The following XYLT1 variants were observed in gnomAD, a reference collection of about 807,000 sequenced individuals.
XYLT1 encodes the protein beta-D-xylosyltransferase 1.
In XYLT1, 36 loss-of-function variants were observed where a neutral mutation model predicts 91.3. The observed-to-expected ratio is 0.39, with a 90% CI of 0.30 to 0.52. The LOEUF is 0.52. Ranked by LOEUF, XYLT1 falls within the 20% of genes least tolerant of loss-of-function variation. XYLT1 has a pLI of 0.68. For synonymous variants in XYLT1, 588 were observed against 532.0 expected, an observed-to-expected ratio of 1.11 and a Z score of -1.45; for missense variants, 1,242 against 1,284.5, an observed-to-expected ratio of 0.97 and a Z score of 0.51.
At chr16:17,411,591 C>A (rs886322041) in intron 1 of XYLT1, among the ~76,000 whole-genome samples, 1 of 152,204 alleles carries the variant, frequency 6.6e-6, no homozygotes, top group Non-Finnish European at 1.5e-5. Context: ...TGAGAACAAT[C>A]ACTTCCAAAC....
chr16:17,120,869 A>T (rs2030027667), intron 10 of XYLT1, among the ~76,000 whole-genome samples: 1 of 152,184 alleles, frequency 6.6e-6, no homozygotes, highest in Non-Finnish European at 1.5e-5. Flanking sequence ...TCGATCAATG[A>T]TCTATACAGA....
intron 1 of XYLT1, among the ~76,000 whole-genome samples, chr16:17,414,217 C>T (rs1235193964): frequency 6.6e-6 from 1 of 152,180 alleles, no homozygotes; most frequent in Non-Finnish European, 1.5e-5. Context: ...TGTGATGTCA[C>T]CCAGACATCT....
intron 2 of XYLT1, among the ~76,000 whole-genome samples, chr16:17,278,932 T>C (rs2034017551): frequency 6.6e-6 from 1 of 152,178 alleles, no homozygotes; most frequent in South Asian, 2.1e-4. Context: ...CAACCAAGGC[T>C]GACTGTGAAC....
At chr16:17,460,769 C>T (rs1343386736) in intron 1 of XYLT1, among the ~76,000 whole-genome samples, 1 of 152,228 alleles carries the variant, frequency 6.6e-6, no homozygotes. Flanking sequence ...TCTACGCTGT[C>T]TCACGGCATA....
In XYLT1 at chr16:17,320,542, C is replaced by T. The variant is rs867135982; in HGVS notation, c.402+37470G>A. The stretch of plus-strand genomic sequence containing the variant: ...GTCACCAGGCTGCAGTGCAGTGGTG[C>T]GATATCGGCTCACTGCAACCTCCGC... On this transcript the variant is annotated intron_variant, in intron 2 of 11. Transcript: ENST00000261381. Among the ~76,000 whole-genome samples, 37 of 143,826 alleles carry T rather than the reference C, an allele frequency of 2.6e-4. No individual in the cohort carries two copies. In the Middle Eastern group the frequency reaches 0.013, roughly 51 times the overall value. The allele number at this position is 143,826 out of a possible 152,430, so 94.4% of individuals were successfully genotyped here.
chr16:17,355,338 G>A (rs1372818799), intron 2 of XYLT1: 1 of 152,394 alleles, frequency 6.6e-6, no homozygotes, highest in Admixed American at 6.5e-5. Context: ...TCCACTCCCA[G>A]GAGATAAGAT....
intron 9 of XYLT1, among the ~76,000 whole-genome samples, chr16:17,130,261 G>A (rs539625020): frequency 1.3e-5 from 2 of 152,362 alleles, no homozygotes; most frequent in South Asian, 4.1e-4. Context: ...GCGAACTTGA[G>A]CATTACATGA....
At chr16:17,423,482 G>C (rs953965941) in intron 1 of XYLT1, among the ~76,000 whole-genome samples, 2 of 152,300 alleles carry the variant, frequency 1.3e-5, no homozygotes, top group South Asian at 4.2e-4. Context: ...ATACAAAGGA[G>C]GGGCCCCCTG....
At chr16:17,226,850 G>T (rs777888754) in intron 3 of XYLT1, among the ~76,000 whole-genome samples, 44 of 152,194 alleles carry the variant, frequency 2.9e-4, no homozygotes, top group Non-Finnish European at 5.0e-4. Flanking sequence ...ACTTTAGATA[G>T]ACCTGGGTCC....
At chr16:17,133,787 C>G (rs1373141939) in intron 9 of XYLT1, among the ~76,000 whole-genome samples, 1 of 152,216 alleles carries the variant, frequency 6.6e-6, no homozygotes, top group African/African-American at 2.4e-5. Flanking sequence ...TTCTAGAACA[C>G]TCTTTCCTGA....
Position 17,357,863 on chromosome 16 carries a change from G to A in XYLT1, c.402+149C>T, listed in dbSNP as rs937518131. ...ACACGTGTACACTATATGCCAGTGT[G>A]TATACATACATGTGCAGGCACACAC... On this transcript the variant is annotated intron_variant, in intron 2 of 11. Coordinates refer to ENST00000261381, the MANE Select transcript of XYLT1 (RefSeq NM_022166.4). The A allele has an allele frequency of 7.6e-6, 6 of 787,184 alleles. No homozygotes were observed. The African/African-American group carries it at 8.8e-5, about 12-fold the overall frequency. The allele number at this position is 787,184 out of a possible 1,614,324, so 48.8% of individuals were successfully genotyped here. A position where few individuals can be genotyped will look rare whatever the true frequency, so the allele number is the denominator to read the frequency against.
chr16:17,120,381 T>A (rs1416115233), intron 10 of XYLT1, among the ~76,000 whole-genome samples: 1 of 152,012 alleles, frequency 6.6e-6, no homozygotes, highest in East Asian at 1.9e-4. Context: ...GTCATCTCTA[T>A]CCCTCTCCCT....
Position 17,277,815 on chromosome 16 carries a change from ATCCATGTTGCT to A in XYLT1, c.403-18328_403-18318del, listed in dbSNP as rs564795187. On this transcript the variant is annotated intron_variant, in intron 2 of 11. Coordinates refer to ENST00000261381, the MANE Select transcript of XYLT1 (RefSeq NM_022166.4). The stretch of plus-strand genomic sequence containing the variant: ...GCTTAGGATAATGGCCTCCAGCTGC[ATCCATGTTGCT>A]GCAAAGGACCTGATTTTGTTCTTTT... Among the ~76,000 whole-genome samples the A allele has an allele frequency of 1.3e-4, 20 of 152,256 alleles. No individual in the cohort carries two copies. The South Asian group carries it at 2.9e-3, about 22-fold the overall frequency.
At chr16:17,470,402 G>C in intron 1 of XYLT1, 32 bp downstream of exon 1, 1 of 1,222,698 alleles carries the variant, frequency 8.2e-7, no homozygotes, top group Non-Finnish European at 1.0e-6. Flanking sequence ...TCCCTCCCTC[G>C]CCGCGGGGCG....
intron 10 of XYLT1, among the ~76,000 whole-genome samples, chr16:17,118,285 C>T (rs62030792): frequency 6.6e-4 from 100 of 151,470 alleles, no homozygotes; most frequent in African/African-American, 1.9e-3. Context: ...AATGAATGAA[C>T]GAATGAATGA....
chr16:17,352,733 G>A (rs554515566), intron 2 of XYLT1, among the ~76,000 whole-genome samples: 5 of 152,258 alleles, frequency 3.3e-5, no homozygotes, highest in Non-Finnish European at 5.9e-5. Context: ...AAACATGTTT[G>A]TCTTATTTCC....
intron 2 of XYLT1, among the ~76,000 whole-genome samples, chr16:17,300,056 T>C (rs1432626488): frequency 1.3e-5 from 2 of 151,628 alleles, no homozygotes; most frequent in African/African-American, 4.8e-5. Context: ...ACCAAAGGCA[T>C]AAAAGGTGGC....
chr16:17,392,790 A>G (rs528258049), intron 1 of XYLT1, among the ~76,000 whole-genome samples: 52 of 152,310 alleles, frequency 3.4e-4, no homozygotes, highest in African/African-American at 1.3e-3. Context: ...GGACAAAGAC[A>G]AGACTAGAAA....
chr16:17,379,644 G>C (rs2035646158), intron 1 of XYLT1, among the ~76,000 whole-genome samples: 1 of 152,110 alleles, frequency 6.6e-6, no homozygotes, highest in Non-Finnish European at 1.5e-5. Flanking sequence ...CTGAATCTTG[G>C]TGTCTTCTGG....
Sources: allele counts gnomAD v4.1 joint callset (sites outside exome capture counted in the v4.1 genomes callset), GRCh38; gene constraint gnomAD v4.1.1; transcripts MANE v1.5; gene names NCBI Gene and HGNC (gene_info 2026-07-23, HGNC 2026-07-21).